Variants in EED observed in about 807,000 individuals in gnomAD.
EED encodes the protein polycomb protein EED.
In EED, 9 loss-of-function variants were observed where a neutral mutation model predicts 61.0. The ratio of observed to expected loss-of-function variants is 0.15; its 90% CI spans 0.09 to 0.26. The LOEUF (loss-of-function observed/expected upper bound fraction) is 0.26, where lower values mean the gene tolerates loss of function less well. Ranked by LOEUF, EED falls within the 10% of genes least tolerant of loss-of-function variation. EED has a pLI of 1.00. For synonymous variants in EED, 187 were observed against 174.4 expected (o/e 1.07, Z -0.57); for missense variants, 315 against 542.3 (o/e 0.58, Z 4.16).
At position 86,261,334 on chromosome 11, in the gene EED, C is replaced by T. The variant is rs543311287; in HGVS notation, c.635-2838C>T. The stretch of plus-strand genomic sequence containing the variant: ...ATTAAATCCAAGGCACCAGAATAAT[C>T]TTCCTTGGCTCCATGTTTTGCCTTC... On this transcript the variant is annotated intron_variant, in intron 6 of 11. Coordinates refer to ENST00000263360, the MANE Select transcript of EED (RefSeq NM_003797.5). Among the ~76,000 whole-genome samples the T allele has an allele frequency of 3.7e-4, 56 of 152,352 alleles. 2 individuals are homozygous for T. Among genetic ancestry groups the T allele is most frequent in the Admixed American group, 3.6e-3 (55 of 15,304 alleles).
In EED at chr11:86,278,770, A is replaced by G. The variant is rs1946286958; in HGVS notation, c.*245A>G. On this transcript the variant is annotated 3_prime_UTR_variant, in exon 12 of 12. Coordinates refer to ENST00000263360, the MANE Select transcript of EED (RefSeq NM_003797.5). ...GTGTTTAGTTACTTTCATTGTGGTGAAAAAAAGTTAAAAGTAATAAAATTA... is the reference window on the plus strand; with the variant it reads ...GTGTTTAGTTACTTTCATTGTGGTGGAAAAAAGTTAAAAGTAATAAAATTA... 1 of 361,020 alleles carries G rather than the reference A, an allele frequency of 2.8e-6. No homozygotes were observed. The highest frequency in any genetic ancestry group is 4.7e-6 in the Non-Finnish European group (1 of 211,310). 22.4% of individuals were successfully genotyped at this position (361,020 alleles called of 1,614,324 possible). A position where few individuals can be genotyped will look rare whatever the true frequency, so the allele number is the denominator to read the frequency against.
intron 4 of EED, among the ~76,000 whole-genome samples, chr11:86,255,657 A>G (rs565667341): frequency 6.6e-5 from 10 of 152,154 alleles, no homozygotes; most frequent in Non-Finnish European, 2.9e-5. Context: ...TGTAGTTATA[A>G]TGATGAACTT....
Position 86,257,573 on chromosome 11 carries a change from A to G in EED, c.611A>G (p.Asn204Ser), listed in dbSNP as rs1339838230. ...NELKFHPRDP[N>S]LLLSVSKDHA... ...CTGAAATTCCATCCAAGAGATCCAAATCTTCTCCTGTCAGTAAGTAAAGGT... is the reference window on the plus strand; with the variant it reads ...CTGAAATTCCATCCAAGAGATCCAAGTCTTCTCCTGTCAGTAAGTAAAGGT... Residue 204 changes from asparagine (N) to serine (S), a missense_variant, in exon 6 of 12, where the codon AAT becomes AGT. This residue lies in a region of EED where 205 missense variants were observed against 455.4 expected (regional missense o/e 0.45). Transcript: ENST00000263360. 6.2e-7 allele frequency: 1 copy of G among 1,612,186 alleles called. No individual in the cohort carries two copies. Among genetic ancestry groups the G allele is most frequent in the East Asian group, 2.2e-5 (1 of 44,734 alleles).
At position 86,245,234 on chromosome 11, in the gene EED, C is replaced by G; in HGVS notation, c.5C>G (p.Ser2Cys). Residue 2 changes from serine (S) to cysteine (C), a missense_variant, in exon 1 of 12, where the codon TCC (serine) becomes TGC (cysteine). By Grantham distance (112) the Ser-to-Cys change is moderately radical (BLOSUM62 -1). This residue lies in a region of EED where 110 missense variants were observed against 86.9 expected (regional missense o/e 1.27). Transcript: ENST00000263360. ...CCTGGAGGGAGGCGGAGGAATATGT[C>G]CGAGAGGGAAGTGTCGACTGCGCCG... M[S>C]EREVSTAPAG... 6.2e-7 allele frequency: 1 copy of G among 1,612,850 alleles called. No homozygotes were observed. The highest frequency in any genetic ancestry group is 8.5e-7 in the Non-Finnish European group (1 of 1,179,632).
intron 8 of EED, among the ~76,000 whole-genome samples, chr11:86,266,635 T>C (rs1030784631): frequency 6.6e-5 from 10 of 152,264 alleles, no homozygotes; most frequent in African/African-American, 2.4e-4. Context: ...TTTTAAACAA[T>C]GGAGTTCTTA....
chr11:86,279,489 A>G (rs1371002974), downstream of EED, among the ~76,000 whole-genome samples: 2 of 152,314 alleles, frequency 1.3e-5, no homozygotes, highest in East Asian at 1.9e-4. Flanking sequence ...TTGTGGGCAA[A>G]AATTCCCTAA....
intron 6 of EED, among the ~76,000 whole-genome samples, chr11:86,263,614 T>G (rs1174988334): frequency 3.3e-5 from 5 of 152,168 alleles, no homozygotes; most frequent in Admixed American, 3.3e-4. Flanking sequence ...CTCCTGGGCT[T>G]AAGCAGTCCT....
chr11:86,283,037 G>A (rs1346813113), downstream of EED, among the ~76,000 whole-genome samples: 2 of 152,098 alleles, frequency 1.3e-5, no homozygotes, highest in African/African-American at 4.8e-5. Flanking sequence ...GGGAGGCTGA[G>A]GCAGGAGGGA....
Position 86,278,087 on chromosome 11 carries a change from T to G in EED, c.1199+96T>G, listed in dbSNP as rs965988363. ...ATCATTTATATTTGCAGTGCCATCCTTAAGTCATTTTTAACATTTACTGTT... is the reference window on the plus strand; with the variant it reads ...ATCATTTATATTTGCAGTGCCATCCGTAAGTCATTTTTAACATTTACTGTT... On this transcript the variant is annotated intron_variant, in intron 11 of 11. Coordinates refer to ENST00000263360, the MANE Select transcript of EED (RefSeq NM_003797.5). 1.0e-5 allele frequency: 14 copies of G among 1,382,232 alleles called. 1 individual carries two copies. The African/African-American group carries it at 1.5e-4, about 15-fold the overall frequency. The allele number at this position is 1,382,232 out of a possible 1,614,324, so 85.6% of individuals were successfully genotyped here. A position where few individuals can be genotyped will look rare whatever the true frequency, so the allele number is the denominator to read the frequency against.
chr11:86,245,599 A>T (rs1404339890), intron 1 of EED, among the ~76,000 whole-genome samples: 1 of 151,790 alleles, frequency 6.6e-6, no homozygotes, highest in South Asian at 2.1e-4. Flanking sequence ...ATCAGTTTGC[A>T]TGTGATGGGG....
intron 1 of EED, among the ~76,000 whole-genome samples, chr11:86,246,341 C>A (rs1945391515): frequency 6.6e-6 from 1 of 152,210 alleles, no homozygotes; most frequent in South Asian, 2.1e-4. Flanking sequence ...TTGTGAATAT[C>A]TTTTAAAAAA....
chr11:86,285,076 A>T, the EED span, among the ~76,000 whole-genome samples: 1 of 151,948 alleles, frequency 6.6e-6, no homozygotes, highest in African/African-American at 2.4e-5. Flanking sequence ...GTGCCACCAC[A>T]CTCCAGCCTG....
At chr11:86,284,381 G>A in the EED span, 1 of 152,354 alleles carries the variant, frequency 6.6e-6, no homozygotes, top group East Asian at 1.9e-4. Flanking sequence ...GATAACCTGT[G>A]AGTTCTCCAC....
At chr11:86,272,785 A>G (rs188516969) in intron 9 of EED, among the ~76,000 whole-genome samples, 38 of 152,258 alleles carry the variant, frequency 2.5e-4, no homozygotes, top group Admixed American at 1.0e-3. Flanking sequence ...TGTAGATGAT[A>G]TAGTTGGGTC....
intron 8 of EED, among the ~76,000 whole-genome samples, chr11:86,267,382 A>G (rs1194744976): frequency 6.6e-6 from 1 of 152,210 alleles, no homozygotes; most frequent in African/African-American, 2.4e-5. Flanking sequence ...GGACATATGA[A>G]TTGCCTAAGA....
chr11:86,250,264 T>G, intron 1 of EED, 32 bp from the exon 2 acceptor site: 1 of 1,466,996 alleles, frequency 6.8e-7, no homozygotes, highest in Non-Finnish European at 9.0e-7. Flanking sequence ...TATTGCTGTT[T>G]CATGTAATTT....
At chr11:86,268,596 TG>T in intron 9 of EED, 35 bp downstream of exon 9, 1 of 340,718 alleles carries the variant, frequency 2.9e-6, no homozygotes, top group Non-Finnish European at 4.8e-6. Context: ...ACTTCCATCG[TG>T]TGTGTGTGTG....
In EED at chr11:86,245,271, C is replaced by T. The variant is rs1416891719; in HGVS notation, c.42C>T (p.Asp14=). The T allele has an allele frequency of 2.5e-6, 4 of 1,613,586 alleles. No individual in the cohort carries two copies. The highest frequency in any genetic ancestry group is 1.7e-4 in the Middle Eastern group (1 of 6,060). The change falls in exon 1 of 12, where the codon GAC becomes GAT. Residue 14 remains aspartate, a synonymous_variant. Transcript: ENST00000263360. Reference sequence around the variant, plus strand: ...TGTCGACTGCGCCGGCGGGAACAGACATGCCTGCGGCCAAGAAGCAGAAGC... The same window carrying T: ...TGTCGACTGCGCCGGCGGGAACAGATATGCCTGCGGCCAAGAAGCAGAAGC... ...REVSTAPAGT[D]MPAAKKQKLS... is the part of the protein sequence containing the mutation.
downstream of EED, among the ~76,000 whole-genome samples, chr11:86,283,526 A>G (rs1260620431): frequency 6.6e-6 from 1 of 152,242 alleles, no homozygotes. Flanking sequence ...TAACCCCAGC[A>G]CCTAGAGCAG....
Sources: allele counts gnomAD v4.1 joint callset (sites outside exome capture counted in the v4.1 genomes callset), GRCh38; gene constraint gnomAD v4.1.1; regional missense constraint gnomAD v4.1.1; transcripts MANE v1.5; gene names NCBI Gene and HGNC (gene_info 2026-07-23, HGNC 2026-07-21).